Variants in CBL observed in about 807,000 individuals in gnomAD.
The protein encoded by CBL is Cbl proto-oncogene.
A neutral mutation model predicts 96.9 loss-of-function variants in CBL; 45 were observed. The observed-to-expected ratio is 0.46, with a 90% CI of 0.37 to 0.60. The LOEUF (loss-of-function observed/expected upper bound fraction) is 0.60, where lower values mean the gene tolerates loss of function less well. CBL is among the 20% of genes least tolerant of loss of function. The probability of loss-of-function intolerance (pLI) is 0.00; values close to 1 mark genes in which losing one functional copy is unlikely to be tolerated. For synonymous variants in CBL, 420 were observed against 426.8 expected (o/e 0.98, Z 0.20); for missense variants, 1,024 against 1,143.5 (o/e 0.90, Z 1.51).
chr11:119,267,096 C>T (rs1949808465), intron 2 of CBL, among the ~76,000 whole-genome samples: 1 of 152,190 alleles, frequency 6.6e-6, no homozygotes, highest in Non-Finnish European at 1.5e-5. Context: ...GAACCATAAG[C>T]TTCAGATTGG....
At chr11:119,288,047 T>G in intron 12 of CBL, 101 bp downstream of exon 12, 1 of 772,778 alleles carries the variant, frequency 1.3e-6, no homozygotes, top group Non-Finnish European at 2.3e-6. Flanking sequence ...AAAAAGAAAA[T>G]AAAAATCTCT....
intron 2 of CBL, among the ~76,000 whole-genome samples, chr11:119,266,479 A>T (rs934583583): frequency 6.6e-6 from 1 of 152,180 alleles, no homozygotes; most frequent in African/African-American, 2.4e-5. Flanking sequence ...ATACTTGTGT[A>T]TTGGTGATAT....
intron 11 of CBL, 79 bp from the exon 12 acceptor site, chr11:119,287,773 A>G (rs1190260285): frequency 5.4e-6 from 5 of 929,948 alleles, no homozygotes; most frequent in Non-Finnish European, 8.9e-6. Context: ...TGTTATTGTT[A>G]TTTTGAAAAG....
At chr11:119,215,306 G>A (rs1050904266) in intron 1 of CBL, among the ~76,000 whole-genome samples, 4 of 152,044 alleles carry the variant, frequency 2.6e-5, no homozygotes, top group Non-Finnish European at 5.9e-5. Flanking sequence ...TTCGTCTTCA[G>A]CAGAGTTCAA....
At position 119,273,855 on chromosome 11, in the gene CBL, A is replaced by G; in HGVS notation, c.591-13A>G. The G allele has an allele frequency of 1.2e-6, 2 of 1,612,240 alleles. No homozygotes were observed. The highest frequency in any genetic ancestry group is 1.7e-6 in the Non-Finnish European group (2 of 1,178,692). ...TTATTTCACTTTATGCCTCCTCTCC[A>G]CCCCCTCCCCAGGACAATAGTCCCT... is the stretch of plus-strand genomic sequence containing the variant. On this transcript the variant is annotated splice_polypyrimidine_tract_variant and intron_variant, in intron 3 of 15. Transcript: ENST00000264033.
At chr11:119,229,651 A>G (rs1949486316) in intron 1 of CBL, among the ~76,000 whole-genome samples, 1 of 152,188 alleles carries the variant, frequency 6.6e-6, no homozygotes, top group African/African-American at 2.4e-5. Context: ...TTAAGAAAAC[A>G]AGAGTTCAAG....
At chr11:119,221,766 C>CAAAAA (rs199581991) in intron 1 of CBL, among the ~76,000 whole-genome samples, 1 of 61,956 alleles carries the variant, frequency 1.6e-5, no homozygotes, top group Non-Finnish European at 3.4e-5. Context: ...GACTCCGTCT[C>CAAAAA]AAAAAAAAAA....
At chr11:119,219,439 C>G (rs1310520073) in intron 1 of CBL, among the ~76,000 whole-genome samples, 1 of 151,648 alleles carries the variant, frequency 6.6e-6, no homozygotes. Context: ...CTTCATGGCC[C>G]TGGTATATGA....
chr11:119,230,482 C>T (rs753632961), intron 1 of CBL, among the ~76,000 whole-genome samples: 6 of 152,134 alleles, frequency 3.9e-5, no homozygotes, highest in Non-Finnish European at 8.8e-5. Context: ...ACGAGAATGT[C>T]AGGCTTATGC....
At chr11:119,243,026 C>T (rs1467613878) in intron 2 of CBL, among the ~76,000 whole-genome samples, 1 of 151,864 alleles carries the variant, frequency 6.6e-6, no homozygotes, top group Non-Finnish European at 1.5e-5. Flanking sequence ...TACTGTAATC[C>T]CAGCACTTTG....
chr11:119,270,151 T>C (rs1949832348), intron 2 of CBL, among the ~76,000 whole-genome samples: 2 of 151,754 alleles, frequency 1.3e-5, no homozygotes, highest in South Asian at 4.2e-4. Context: ...TCTGTGGCAA[T>C]AGCATTAAAG....
At chr11:119,226,812 A>G (rs1565858317) in intron 1 of CBL, among the ~76,000 whole-genome samples, 1 of 152,192 alleles carries the variant, frequency 6.6e-6, no homozygotes, top group Non-Finnish European at 1.5e-5. Flanking sequence ...AAGTACTAAA[A>G]TGTTATTTAG....
chr11:119,218,403 A>T (rs1949380633), intron 1 of CBL, among the ~76,000 whole-genome samples: 1 of 152,208 alleles, frequency 6.6e-6, no homozygotes, highest in African/African-American at 2.4e-5. Context: ...AGTGTATGGC[A>T]TCTAAAAGTG....
rs935006432 is a variant in CBL, at chr11:119,297,397, G to A, written c.2167G>A (p.Asp723Asn). 1.9e-6 allele frequency: 3 copies of A among 1,613,076 alleles called. No homozygotes were observed. The highest frequency in any genetic ancestry group is 1.7e-5 in the Admixed American group (1 of 59,978). The part of the protein sequence containing the change: ...TSQSSRACDC[D>N]QQIDSCTYEA... ...CTTCTGGTTCAGAGCATGTGATTGC[G>A]ACCAGCAGATTGATAGCTGTACGTA... The change falls in exon 14 of 16, where the codon GAC becomes AAC. Residue 723 changes from aspartate (D) to asparagine (N), a missense_variant. Physicochemically the swap from Asp to Asn is conservative, Grantham distance 23. Coordinates refer to ENST00000264033, the MANE Select transcript of CBL (RefSeq NM_005188.4).
intron 9 of CBL, among the ~76,000 whole-genome samples, chr11:119,280,828 C>G (rs776587153): frequency 3.9e-5 from 6 of 152,146 alleles, no homozygotes; most frequent in Non-Finnish European, 8.8e-5. Context: ...TCCCTCCTCC[C>G]TACTCCATAT....
At chr11:119,298,241 A>T in intron 14 of CBL, 117 bp from the exon 15 acceptor site, 1 of 901,160 alleles carries the variant, frequency 1.1e-6, no homozygotes, top group East Asian at 2.5e-5. Context: ...GACAATCAGT[A>T]ACTGTTGAAT....
chr11:119,226,935 C>CT (rs1281745842), intron 1 of CBL, among the ~76,000 whole-genome samples: 1 of 152,158 alleles, frequency 6.6e-6, no homozygotes, highest in East Asian at 1.9e-4. Flanking sequence ...CCTTCTCCAC[C>CT]TTGTTCACTA....
At chr11:119,219,121 A>T (rs7111358) in intron 1 of CBL, among the ~76,000 whole-genome samples, 90,274 of 151,996 alleles carry the variant, frequency 0.59, 27,746 homozygotes, top group East Asian at 0.88. Context: ...CTTACACCTG[A>T]AATCTCAGCA....
At chr11:119,296,728 A>G (rs1208380619) in intron 12 of CBL, among the ~76,000 whole-genome samples, 190 bp from the exon 13 acceptor site, 3 of 152,240 alleles carry the variant, frequency 2.0e-5, no homozygotes, top group Non-Finnish European at 4.4e-5. Context: ...TGGTCAGTTG[A>G]AAGTGACATT....
Sources: allele counts gnomAD v4.1 joint callset (sites outside exome capture counted in the v4.1 genomes callset), GRCh38; gene constraint gnomAD v4.1.1; transcripts MANE v1.5; gene names NCBI Gene and HGNC (gene_info 2026-07-23, HGNC 2026-07-21).